TNFRSF10B: variants seen among roughly 807,000 people sequenced by gnomAD.
TNFRSF10B encodes tumor necrosis factor receptor superfamily member 10B.
Under a neutral mutation model 41.4 loss-of-function variants are expected in TNFRSF10B, and 35 were observed. The ratio of observed to expected loss-of-function variants is 0.85; its 90% CI spans 0.65 to 1.12. The LOEUF (loss-of-function observed/expected upper bound fraction) is 1.12. Among genes scored for constraint, TNFRSF10B ranks in the 50% most tolerant of loss-of-function variants. TNFRSF10B has a pLI of 0.00. For missense variants in TNFRSF10B, 584 were observed against 552.7 expected (o/e 1.06, Z -0.57); for synonymous variants, 230 against 215.5 (o/e 1.07, Z -0.59).
intron 1 of TNFRSF10B, among the ~76,000 whole-genome samples, chr8:23,045,632 A>AT (rs1175531105): frequency 6.6e-6 from 1 of 152,238 alleles, no homozygotes; most frequent in Admixed American, 6.5e-5. Context: ...AGAACACTGT[A>AT]AGAAAAGAAA....
At chr8:23,028,205 G>A (rs1408269242) in intron 5 of TNFRSF10B, 126 bp downstream of exon 5, 1 of 1,328,822 alleles carries the variant, frequency 7.5e-7, no homozygotes. Context: ...ACCACGAGGA[G>A]GAGGATAGAG....
Position 23,022,744 on chromosome 8 carries a change from T to A in TNFRSF10B, c.1250A>T (p.Lys417Met), listed in dbSNP as rs757649273. Reference sequence around the variant, plus strand: ...AGAGCTCAACAAGTGGTCCTCAATCTTCTGCTTGGCAAGTCTCTCTCCCAG... The same window carrying A: ...AGAGCTCAACAAGTGGTCCTCAATCATCTGCTTGGCAAGTCTCTCTCCCAG... ...ETLGERLAKQ[K>M]IEDHLLSSGK... The change falls in exon 9 of 9, where the codon AAG becomes ATG. Residue 417 changes from lysine (K) to methionine (M), a missense_variant. Physicochemically the swap from Lys to Met is moderately conservative, Grantham distance 95. Transcript: ENST00000276431. 1 of 1,614,016 alleles carries A rather than the reference T, an allele frequency of 6.2e-7. No homozygotes were observed. The highest frequency in any genetic ancestry group is 2.2e-5 in the East Asian group (1 of 44,868).
chr8:23,042,919 T>A, intron 2 of TNFRSF10B: 2 of 525,032 alleles, frequency 3.8e-6, no homozygotes, highest in Non-Finnish European at 6.8e-6. Context: ...CCCACTCAAT[T>A]CTCTCTCAAG....
intron 2 of TNFRSF10B, among the ~76,000 whole-genome samples, chr8:23,040,294 TATATATAATATATATTTAATAA>T (rs869286815): frequency 0.014 from 616 of 43,676 alleles, 31 homozygotes; most frequent in Middle Eastern, 0.068. Flanking sequence ...ATTTATTAAA[TATATATAATATATATTTAATAA>T]ATATATATAC....
chr8:23,035,097 G>A (rs781445188), intron 2 of TNFRSF10B, among the ~76,000 whole-genome samples: 34 of 151,902 alleles, frequency 2.2e-4, no homozygotes, highest in African/African-American at 7.3e-4. Context: ...TCCTGTCTCC[G>A]GGATGCATCA....
chr8:23,036,473 A>G (rs1380638246), intron 2 of TNFRSF10B, among the ~76,000 whole-genome samples: 1 of 152,208 alleles, frequency 6.6e-6, no homozygotes, highest in Non-Finnish European at 1.5e-5. Context: ...TCTGCACCAC[A>G]TACAGGTAAC....
At chr8:23,044,506 A>G (rs930305526) in intron 1 of TNFRSF10B, among the ~76,000 whole-genome samples, 16 of 152,208 alleles carry the variant, frequency 1.1e-4, no homozygotes, top group African/African-American at 3.4e-4. Flanking sequence ...AGAAATGAAC[A>G]AAGAACTTGA....
intron 1 of TNFRSF10B, among the ~76,000 whole-genome samples, chr8:23,065,701 A>C (rs1017653161): frequency 6.6e-6 from 1 of 152,202 alleles, no homozygotes; most frequent in Non-Finnish European, 1.5e-5. Flanking sequence ...CAGAGGAGCA[A>C]ACTGATCCTC....
At position 23,040,395 on chromosome 8, in the gene TNFRSF10B, T is replaced by A. The variant is rs1238688022; in HGVS notation, c.250+2743A>T. Among the ~76,000 whole-genome samples, 15 of 68,018 alleles carry A rather than the reference T, an allele frequency of 2.2e-4. 1 individual carries two copies. Among genetic ancestry groups the A allele is most frequent in the Non-Finnish European group, 2.4e-4 (7 of 28,630 alleles). 44.6% of individuals were successfully genotyped at this position (68,018 alleles called of 152,430 possible). A position where few individuals can be genotyped will look rare whatever the true frequency, so the allele number is the denominator to read the frequency against. The stretch of plus-strand genomic sequence containing the variant: ...AATATATATACAAAATATATATTTA[T>A]TAAATATATATACAAAATATATATT... On this transcript the variant is annotated intron_variant, in intron 2 of 8. Coordinates refer to ENST00000276431, the MANE Select transcript of TNFRSF10B (RefSeq NM_003842.5).
Position 23,020,349 on chromosome 8 carries a change from G to A in TNFRSF10B, c.*2322C>T, listed in dbSNP as rs1811472831. ...GCCTGGGGATATAGCAAAGCCTAAT[G>A]TAACTAAACAACAAAACCCCCAATT... On this transcript the variant is annotated 3_prime_UTR_variant, in exon 9 of 9. Coordinates refer to ENST00000276431, the MANE Select transcript of TNFRSF10B (RefSeq NM_003842.5). The A allele has an allele frequency of 2.2e-6, 1 of 454,090 alleles. No homozygotes were observed. Among genetic ancestry groups the A allele is most frequent in the South Asian group, 1.6e-5 (1 of 64,484 alleles). The allele number at this position is 454,090 out of a possible 1,614,324, so 28.1% of individuals were successfully genotyped here. A position where few individuals can be genotyped will look rare whatever the true frequency, so the allele number is the denominator to read the frequency against.
At chr8:23,044,051 G>T (rs909082193) in intron 1 of TNFRSF10B, among the ~76,000 whole-genome samples, 2 of 152,162 alleles carry the variant, frequency 1.3e-5, no homozygotes, top group Non-Finnish European at 2.9e-5. Context: ...TTTGGCAAAG[G>T]TATAAAGACC....
intron 1 of TNFRSF10B, among the ~76,000 whole-genome samples, chr8:23,046,709 T>C (rs907855166): frequency 5.3e-5 from 8 of 150,042 alleles, no homozygotes; most frequent in Non-Finnish European, 1.2e-4. Flanking sequence ...CAAACTATAC[T>C]ACAAAGCAAT....
At chr8:23,038,822 G>T (rs539937140) in intron 2 of TNFRSF10B, among the ~76,000 whole-genome samples, 1 of 151,966 alleles carries the variant, frequency 6.6e-6, no homozygotes, top group South Asian at 2.1e-4. Flanking sequence ...CTAGAGCAGG[G>T]GTCTCCAACA....
At chr8:23,060,871 T>G (rs1812812174) in intron 1 of TNFRSF10B, among the ~76,000 whole-genome samples, 1 of 152,198 alleles carries the variant, frequency 6.6e-6, no homozygotes, top group South Asian at 2.1e-4. Context: ...ACTCCTATTT[T>G]ATTATTTTTG....
chr8:23,023,894 T>C (rs1811620925), intron 8 of TNFRSF10B, among the ~76,000 whole-genome samples: 1 of 151,996 alleles, frequency 6.6e-6, no homozygotes, highest in South Asian at 2.1e-4. Flanking sequence ...GGCCAGCCCC[T>C]CAGGAGGTCC....
At chr8:23,031,589 T>G (rs1811887087) in intron 2 of TNFRSF10B, among the ~76,000 whole-genome samples, 1 of 151,730 alleles carries the variant, frequency 6.6e-6, no homozygotes, top group South Asian at 2.1e-4. Context: ...GAGACGAGGT[T>G]TCACCATGTT....
At chr8:23,024,379 A>G in intron 7 of TNFRSF10B, 119 bp from the exon 8 acceptor site, 3 of 1,131,660 alleles carry the variant, frequency 2.7e-6, no homozygotes, top group Non-Finnish European at 4.0e-6. Flanking sequence ...CATTGTTCTG[A>G]AAGGTCTGGC....
In TNFRSF10B at chr8:23,027,664, G is replaced by C. The variant is rs878995937; in HGVS notation, c.780+58C>G. ...GGGACCCACCCACCCAGGTTCTGCT[G>C]TCCCAGGAAGCAGTTCCTGAACCCC... On this transcript the variant is annotated intron_variant, in intron 6 of 8. Transcript: ENST00000276431. The C allele has an allele frequency of 6.9e-5, 111 of 1,611,576 alleles. No homozygotes were observed. In the South Asian group the frequency reaches 1.2e-3, roughly 17 times the overall value.
intron 2 of TNFRSF10B, among the ~76,000 whole-genome samples, chr8:23,037,749 T>C (rs1016036304): frequency 2.0e-5 from 3 of 152,184 alleles, no homozygotes; most frequent in Non-Finnish European, 2.9e-5. Context: ...TGGCAGTACC[T>C]TGAAGGGCTG....
Sources: gnomAD v4.1 joint callset for allele counts (sites outside exome capture counted in the v4.1 genomes callset) on GRCh38, gnomAD v4.1.1 for gene constraint, MANE v1.5 for transcripts, NCBI Gene and HGNC (gene_info 2026-07-23, HGNC 2026-07-21) for gene names.